THADA: variants seen among roughly 807,000 people sequenced by gnomAD.
The protein encoded by THADA is tRNA (32-2'-O)-methyltransferase regulator THADA.
THADA carries 213 observed loss-of-function variants against 219.8 expected under a neutral mutation model. That is an observed-to-expected ratio of 0.97 (90% CI 0.87 to 1.09). The LOEUF (loss-of-function observed/expected upper bound fraction) is 1.09, where lower values mean the gene tolerates loss of function less well. Among genes scored for constraint, THADA ranks in the 50% least tolerant of loss-of-function variants. THADA has a pLI of 0.00. For synonymous variants in THADA, 1,018 were observed against 828.9 expected (o/e 1.23, Z -3.92); for missense variants, 2,956 against 2,311.3 (o/e 1.28, Z -5.72).
intron 28 of THADA, among the ~76,000 whole-genome samples, chr2:43,416,131 T>C (rs1313303438): frequency 6.6e-6 from 1 of 152,188 alleles, no homozygotes; most frequent in Non-Finnish European, 1.5e-5. Flanking sequence ...AGAAAGAAGC[T>C]GAGCAAAAGG....
At chr2:43,290,895 A>C (rs557072862) in intron 34 of THADA, among the ~76,000 whole-genome samples, 16 of 152,060 alleles carry the variant, frequency 1.1e-4, no homozygotes, top group Non-Finnish European at 2.1e-4. Flanking sequence ...TTCACTACCA[A>C]AGGACATGTA....
Position 43,590,875 on chromosome 2 carries a change from C to G in THADA, c.251G>C (p.Gly84Ala). ...CTTTAGACTCAAAGAAAGATAAATG[C>G]CTGCTAAGATATCCAAACAACTTTG... ...TIQSCLDILA[G>A]IYLSLSLKNP... The change falls in exon 4 of 38, where the codon GGC (glycine) becomes GCC (alanine). Residue 84 changes from glycine to alanine, a missense_variant. Gly to Ala is a moderately conservative substitution (Grantham distance 60). Transcript: ENST00000405975. The G allele has an allele frequency of 6.2e-7, 1 of 1,613,760 alleles. No homozygotes were observed. The highest frequency in any genetic ancestry group is 2.2e-5 in the East Asian group (1 of 44,848).
At chr2:43,539,198 C>G (rs1694985738) in intron 21 of THADA, among the ~76,000 whole-genome samples, 1 of 152,234 alleles carries the variant, frequency 6.6e-6, no homozygotes, top group African/African-American at 2.4e-5. Flanking sequence ...CAGTCACATT[C>G]ACCTAAGGCT....
chr2:43,505,335 G>A (rs1191681280), intron 24 of THADA, among the ~76,000 whole-genome samples: 3 of 151,956 alleles, frequency 2.0e-5, no homozygotes, highest in Admixed American at 1.3e-4. Context: ...AAAAAAAGAA[G>A]GAGAGAAAAA....
At chr2:43,291,925 G>T in intron 33 of THADA, 157 bp from the exon 34 acceptor site, 1 of 776,074 alleles carries the variant, frequency 1.3e-6, no homozygotes, top group Non-Finnish European at 2.0e-6. Context: ...TTACCTTTTG[G>T]TTATTAATGC....
rs1473536345 is a variant in THADA, at chr2:43,427,180, C to T, written c.4058+920G>A. 7.2e-5 allele frequency among the ~76,000 whole-genome samples: 11 copies of T among 152,306 alleles called. No homozygotes were observed. In the South Asian group the frequency reaches 1.9e-3, roughly 26 times the overall value. On this transcript the variant is annotated intron_variant, in intron 28 of 37. Coordinates refer to ENST00000405975, the MANE Select transcript of THADA (RefSeq NM_022065.5). Reference sequence around the variant, plus strand: ...TTACATGCCACCCATTGCACCGGCTCGCAGACTCTTCCAGAGTGAAGAGGC... The same window carrying T: ...TTACATGCCACCCATTGCACCGGCTTGCAGACTCTTCCAGAGTGAAGAGGC...
intron 36 of THADA, among the ~76,000 whole-genome samples, chr2:43,261,151 A>G (rs1262408297): frequency 6.6e-6 from 1 of 150,668 alleles, no homozygotes; most frequent in Non-Finnish European, 1.5e-5. Flanking sequence ...TTGTTTGCCT[A>G]ATATTATTAT....
chr2:43,586,821 G>A, intron 5 of THADA, 33 bp downstream of exon 5: 1 of 1,612,226 alleles, frequency 6.2e-7, no homozygotes, highest in Non-Finnish European at 8.5e-7. Context: ...AGAGGGGTTA[G>A]CCAGAAAAAG....
Position 43,497,284 on chromosome 2 carries a change from A to G in THADA, c.3744+1549T>C, listed in dbSNP as rs373308089. Among the ~76,000 whole-genome samples, 17 of 152,304 alleles carry G rather than the reference A, an allele frequency of 1.1e-4. No homozygotes were observed. In the East Asian group the frequency reaches 2.7e-3, roughly 24 times the overall value. ...TACAATAGCAAAGACATGGACCCAA[A>G]CCAAATGCCCATCAATGATAGACTG... On this transcript the variant is annotated intron_variant, in intron 25 of 37. Transcript: ENST00000405975.
At chr2:43,499,436 G>A (rs1688649988) in intron 24 of THADA, among the ~76,000 whole-genome samples, 1 of 152,040 alleles carries the variant, frequency 6.6e-6, no homozygotes, top group Non-Finnish European at 1.5e-5. Flanking sequence ...GAACAGAATG[G>A]CACAGTCTCG....
Position 43,581,848 on chromosome 2 carries a change from A to G in THADA, c.614T>C (p.Val205Ala), listed in dbSNP as rs757372040. The G allele has an allele frequency of 1.9e-6, 3 of 1,612,414 alleles. No homozygotes were observed. Among genetic ancestry groups the G allele is most frequent in the Admixed American group, 3.3e-5 (2 of 59,704 alleles). ...LVGIRVSMMLVQKVQDFQGNL... is the reference protein window; with the variant it reads ...LVGIRVSMMLAQKVQDFQGNL... ...TCCCTGGAAATCTTGTACTTTCTGT[A>G]CTAACATCATTGAAACTCTAATGCC... The change falls in exon 8 of 38, where the codon GTA becomes GCA. Residue 205 changes from valine to alanine, a missense_variant. Val to Ala is a moderately conservative substitution (Grantham distance 64). Coordinates refer to ENST00000405975, the MANE Select transcript of THADA (RefSeq NM_022065.5).
chr2:43,291,661 C>A, intron 34 of THADA, 35 bp downstream of exon 34: 2 of 1,494,036 alleles, frequency 1.3e-6, no homozygotes, highest in South Asian at 2.6e-5. Flanking sequence ...AACAAAAAAT[C>A]CTAGGTCCCG....
At chr2:43,381,553 T>G (rs549073600) in intron 29 of THADA, among the ~76,000 whole-genome samples, 2 of 151,936 alleles carry the variant, frequency 1.3e-5, no homozygotes, top group African/African-American at 4.8e-5. Context: ...CTAAGCCATG[T>G]GATTAATGTT....
intron 31 of THADA, among the ~76,000 whole-genome samples, chr2:43,316,936 A>T (rs187857011): frequency 5.6e-4 from 86 of 152,332 alleles, no homozygotes; most frequent in African/African-American, 1.8e-3. Context: ...TCAACAAAAA[A>T]ATATTAATAA....
intron 22 of THADA, among the ~76,000 whole-genome samples, chr2:43,527,594 T>C (rs1693323509): frequency 6.9e-6 from 1 of 144,432 alleles, no homozygotes. Flanking sequence ...TTTATTTCAT[T>C]CAATAAAAAA....
intron 29 of THADA, among the ~76,000 whole-genome samples, chr2:43,383,210 T>G (rs1672247692): frequency 6.6e-6 from 1 of 152,118 alleles, no homozygotes; most frequent in East Asian, 1.9e-4. Context: ...CAGAGATGAT[T>G]GACAGTATCA....
intron 31 of THADA, among the ~76,000 whole-genome samples, chr2:43,309,148 AT>A (rs1182327852): frequency 5.3e-5 from 8 of 152,264 alleles, no homozygotes; most frequent in African/African-American, 1.9e-4. Context: ...AAAGCAATGT[AT>A]AAAAGATGTG....
intron 15 of THADA, among the ~76,000 whole-genome samples, chr2:43,561,016 CAAA>C (rs3042329): frequency 4.7e-4 from 43 of 92,360 alleles, no homozygotes; most frequent in African/African-American, 1.3e-3. Context: ...GACTTGGTCT[CAAA>C]AAAAAAAAAA....
intron 12 of THADA, 48 bp downstream of exon 12, chr2:43,572,766 G>C: frequency 2.6e-6 from 4 of 1,562,972 alleles, no homozygotes; most frequent in Non-Finnish European, 3.5e-6. Context: ...ACTGCTACAT[G>C]AAAGGGATCT....
Sources: gnomAD v4.1 joint callset for allele counts (sites outside exome capture counted in the v4.1 genomes callset) on GRCh38, gnomAD v4.1.1 for gene constraint, MANE v1.5 for transcripts, NCBI Gene and HGNC (gene_info 2026-07-23, HGNC 2026-07-21) for gene names.